The following CTNNA2 variants were observed in gnomAD, a reference collection of about 807,000 sequenced individuals.
The protein encoded by CTNNA2 is catenin alpha 2.
A neutral mutation model predicts 101.0 loss-of-function variants in CTNNA2; 42 were observed. That is an observed-to-expected ratio of 0.42 (90% CI 0.32 to 0.54). The LOEUF (loss-of-function observed/expected upper bound fraction) is 0.54. CTNNA2 is among the 20% of genes least tolerant of loss of function. The pLI is 0.14. For missense variants in CTNNA2, 871 were observed against 1,223.1 expected, an observed-to-expected ratio of 0.71 and a Z score of 4.29; for synonymous variants, 450 against 456.4, an observed-to-expected ratio of 0.99 and a Z score of 0.18.
intron 8 of CTNNA2, among the ~76,000 whole-genome samples, chr2:80,407,739 C>T (rs1019985691): frequency 7.2e-5 from 11 of 152,122 alleles, no homozygotes; most frequent in African/African-American, 2.7e-4. Context: ...ACAGGATTTC[C>T]ACAAAGTTGG....
rs190990521 is a variant in CTNNA2 at position 80,567,161 on chromosome 2, G to A, written c.1742-7002G>A. On this transcript the variant is annotated intron_variant, in intron 12 of 18. Coordinates refer to ENST00000402739, the MANE Select transcript of CTNNA2 (RefSeq NM_001282597.3). ...AACATCTCTAAAAAGATTCTGAGCTGAGGATTTTTAAAGTCCCCCGTGTAG... is the reference window on the plus strand; with the variant it reads ...AACATCTCTAAAAAGATTCTGAGCTAAGGATTTTTAAAGTCCCCCGTGTAG... Among the ~76,000 whole-genome samples the A allele has an allele frequency of 8.6e-3, 1,312 of 152,304 alleles. 8 individuals carry two copies. Among genetic ancestry groups the A allele is most frequent in the Non-Finnish European group, 0.014 (944 of 68,016 alleles).
At chr2:79,732,087 A>G (rs979046142) in intron 2 of CTNNA2, among the ~76,000 whole-genome samples, 17 of 152,118 alleles carry the variant, frequency 1.1e-4, no homozygotes, top group African/African-American at 3.4e-4. Flanking sequence ...ATAATTTACT[A>G]AAGCCATTAA....
At chr2:80,450,982 T>TA (rs56373407) in intron 9 of CTNNA2, among the ~76,000 whole-genome samples, 44,253 of 148,510 alleles carry the variant, frequency 0.3, 7,376 homozygotes, top group East Asian at 0.67. Flanking sequence ...TGTCATTGTT[T>TA]AAAAAAAAAA....
At chr2:79,807,133 A>G (rs1676641326) in intron 3 of CTNNA2, among the ~76,000 whole-genome samples, 1 of 152,090 alleles carries the variant, frequency 6.6e-6, no homozygotes, top group African/African-American at 2.4e-5. Flanking sequence ...TTGATCCCTT[A>G]AGAACACTTT....
intron 9 of CTNNA2, among the ~76,000 whole-genome samples, chr2:80,471,639 A>T (rs984682799): frequency 1.9e-4 from 29 of 152,344 alleles, no homozygotes; most frequent in African/African-American, 5.8e-4. Flanking sequence ...GGATATGGCC[A>T]TGGGATATGA....
At chr2:79,275,541 A>C (rs568110527) in intron 2 of CTNNA2, among the ~76,000 whole-genome samples, 1 of 152,160 alleles carries the variant, frequency 6.6e-6, no homozygotes, top group East Asian at 1.9e-4. Context: ...GTTCTAGATG[A>C]AATTCAGGAA....
intron 7 of CTNNA2, among the ~76,000 whole-genome samples, chr2:80,390,173 A>T (rs1032325891): frequency 2.6e-5 from 4 of 152,042 alleles, no homozygotes; most frequent in Admixed American, 6.6e-5. Context: ...TCCTATTCTA[A>T]TCTTACCCAG....
At position 79,890,851 on chromosome 2, in the gene CTNNA2, G is replaced by A. The variant is rs557993219; in HGVS notation, c.852+16509G>A. Among the ~76,000 whole-genome samples, 81 of 137,468 alleles carry A rather than the reference G, an allele frequency of 5.9e-4. 1 individual carries two copies. Among genetic ancestry groups the A allele is most frequent in the African/African-American group, 2.1e-3 (78 of 37,334 alleles). 90.2% of individuals were successfully genotyped at this position (137,468 alleles called of 152,430 possible). ...TTGACAGACTCAGTTTCTTGTGAGC[G>A]CTCACTCTGTGCTTCAAAGGTGATG... On this transcript the variant is annotated intron_variant, in intron 6 of 18. Transcript: ENST00000402739.
intron 18 of CTNNA2, among the ~76,000 whole-genome samples, chr2:80,637,375 G>C (rs183934428): frequency 6.6e-6 from 1 of 151,662 alleles, no homozygotes; most frequent in Admixed American, 6.6e-5. Flanking sequence ...TGTAGTTAGT[G>C]ATCCATCCAG....
At chr2:80,572,091 C>T (rs573712046) in intron 12 of CTNNA2, among the ~76,000 whole-genome samples, 1 of 152,096 alleles carries the variant, frequency 6.6e-6, no homozygotes, top group Non-Finnish European at 1.5e-5. Context: ...AAAGCACTTG[C>T]CGAAATGATG....
At chr2:80,616,855 A>G (rs1257326661) in intron 17 of CTNNA2, among the ~76,000 whole-genome samples, 4 of 151,724 alleles carry the variant, frequency 2.6e-5, no homozygotes, top group African/African-American at 9.7e-5. Context: ...ATCACAATCA[A>G]TCATACTAAA....
intron 9 of CTNNA2, among the ~76,000 whole-genome samples, chr2:80,521,718 C>G (rs1345627086): frequency 6.6e-6 from 1 of 152,068 alleles, no homozygotes; most frequent in African/African-American, 2.4e-5. Context: ...CCTGGAGCCT[C>G]CGGAAAAGAA....
intron 7 of CTNNA2, among the ~76,000 whole-genome samples, chr2:80,027,051 A>G (rs1337355016): frequency 6.6e-6 from 1 of 152,216 alleles, no homozygotes; most frequent in Admixed American, 6.5e-5. Flanking sequence ...GTATGTTAAT[A>G]TATGGACAAA....
chr2:80,023,911 C>T, intron 7 of CTNNA2, among the ~76,000 whole-genome samples: 1 of 151,864 alleles, frequency 6.6e-6, no homozygotes. Flanking sequence ...CACGGTGAAA[C>T]CCCGTCTCTA....
At chr2:79,836,695 C>T (rs573559785) in intron 3 of CTNNA2, among the ~76,000 whole-genome samples, 1 of 152,288 alleles carries the variant, frequency 6.6e-6, no homozygotes, top group African/African-American at 2.4e-5. Flanking sequence ...CTTATAGCTT[C>T]AGTCCTTTCA....
chr2:79,466,970 C>T (rs1197098389), intron 4 of CTNNA2, among the ~76,000 whole-genome samples: 1 of 152,170 alleles, frequency 6.6e-6, no homozygotes, highest in Non-Finnish European at 1.5e-5. Context: ...ATCAGAGCGC[C>T]TCTCCCCCTC....
chr2:80,028,394 A>G (rs969615986), intron 7 of CTNNA2: 1 of 152,224 alleles, frequency 6.6e-6, no homozygotes, highest in African/African-American at 2.4e-5. Context: ...TGAGATCATC[A>G]CTGGGAAAAA....
chr2:79,535,523 C>T (rs1486217082), intron 1 of CTNNA2, among the ~76,000 whole-genome samples: 1 of 151,896 alleles, frequency 6.6e-6, no homozygotes, highest in Non-Finnish European at 1.5e-5. Flanking sequence ...CTTTTATAAC[C>T]AGGCAAAATA....
At chr2:80,099,939 G>T (rs924362352) in intron 7 of CTNNA2, among the ~76,000 whole-genome samples, 2 of 151,482 alleles carry the variant, frequency 1.3e-5, no homozygotes, top group African/African-American at 2.4e-5. Context: ...TATTTTTTTT[G>T]TTGTTGTTGA....
Sources: gnomAD v4.1 joint callset for allele counts (sites outside exome capture counted in the v4.1 genomes callset) on GRCh38, gnomAD v4.1.1 for gene constraint, MANE v1.5 for transcripts, NCBI Gene and HGNC (gene_info 2026-07-23, HGNC 2026-07-21) for gene names.